CUL4A: variants seen among roughly 807,000 people sequenced by gnomAD.
CUL4A encodes cullin 4A, also known as cullin-4A.
In CUL4A, 16 loss-of-function variants were observed where a neutral mutation model predicts 95.5. That is an observed-to-expected ratio of 0.17 (90% CI 0.11 to 0.25). CUL4A has a LOEUF of 0.25. CUL4A is among the 10% of genes least tolerant of loss of function. CUL4A has a pLI of 1.00. For missense variants in CUL4A, 610 were observed against 937.0 expected (o/e 0.65, Z 4.56); for synonymous variants, 380 against 353.1 (o/e 1.08, Z -0.85).
intron 8 of CUL4A, among the ~76,000 whole-genome samples, chr13:113,236,217 T>G (rs1183933365): frequency 6.6e-6 from 1 of 151,764 alleles, no homozygotes; most frequent in African/African-American, 2.4e-5. Context: ...ACGTGTGGAG[T>G]TGGAGGAGCC....
At chr13:113,253,986 C>A (rs1378578793) in intron 16 of CUL4A, among the ~76,000 whole-genome samples, 2 of 152,124 alleles carry the variant, frequency 1.3e-5, no homozygotes, top group Non-Finnish European at 2.9e-5. Flanking sequence ...ATATTCTCTT[C>A]CTTAAGGTAT....
intron 10 of CUL4A, among the ~76,000 whole-genome samples, 165 bp from the exon 11 acceptor site, chr13:113,242,803 C>T (rs2041756155): frequency 6.6e-6 from 1 of 152,180 alleles, no homozygotes; most frequent in Admixed American, 6.5e-5. Flanking sequence ...AGTGTATTCA[C>T]TTAATTTTTG....
At position 113,218,968 on chromosome 13, in the gene CUL4A, C is replaced by G. The variant is rs1163147306; in HGVS notation, c.288C>G (p.His96Gln). The G allele has an allele frequency of 6.2e-7, 1 of 1,613,184 alleles. No homozygotes were observed. Among genetic ancestry groups the G allele is most frequent in the African/African-American group, 1.3e-5 (1 of 74,880 alleles). Residue 96 changes from histidine to glutamine, a missense_variant, in exon 3 of 20, where the codon CAC becomes CAG. Around this residue, in one of 10 missense-constraint regions of CUL4A, gnomAD observed 168 missense variants for 185.5 expected, o/e 0.91. Coordinates refer to ENST00000375440, the MANE Select transcript of CUL4A (RefSeq NM_001008895.4). ...LYQAVENLCS[H>Q]KVSPMLYKQL... ...AGGCTGTGGAAAATCTCTGTTCTCA[C>G]AAAGTCTCCCCAATGCTCTACAAGC...
chr13:113,215,068 C>G (rs549679191), intron 2 of CUL4A, among the ~76,000 whole-genome samples: 164 of 150,350 alleles, frequency 1.1e-3, no homozygotes, highest in African/African-American at 4.0e-3. Context: ...GTGGAGGTTG[C>G]TGTGTGACTG....
chr13:113,218,197 C>G (rs2040764385), intron 2 of CUL4A, among the ~76,000 whole-genome samples: 1 of 151,920 alleles, frequency 6.6e-6, no homozygotes, highest in Non-Finnish European at 1.5e-5. Flanking sequence ...AAGATCCTGC[C>G]TTTGCACTCC....
chr13:113,242,054 C>T (rs987229679), intron 10 of CUL4A, among the ~76,000 whole-genome samples: 5 of 151,788 alleles, frequency 3.3e-5, no homozygotes, highest in African/African-American at 9.7e-5. Context: ...CAGTGGCTCA[C>T]GCTTGTAATC....
intron 19 of CUL4A, among the ~76,000 whole-genome samples, chr13:113,262,443 G>A (rs2042306092): frequency 6.6e-6 from 1 of 152,168 alleles, no homozygotes; most frequent in African/African-American, 2.4e-5. Flanking sequence ...TTGAGCCCAG[G>A]AATTTGAGAC....
chr13:113,213,261 G>T (rs529384660), intron 2 of CUL4A, among the ~76,000 whole-genome samples: 1 of 152,086 alleles, frequency 6.6e-6, no homozygotes. Flanking sequence ...GGTGTTGCAT[G>T]CCTGTAGTCC....
intron 19 of CUL4A, chr13:113,262,829 C>CATAA (rs2042319369): frequency 6.7e-6 from 1 of 149,570 alleles, no homozygotes; most frequent in Non-Finnish European, 1.5e-5. Context: ...CTCGCTTATA[C>CATAA]GTGCCCTTGC....
rs568709722 is a variant in CUL4A, at chr13:113,260,237, C to T, written c.2032-370C>T. Among the ~76,000 whole-genome samples, 233 of 72,618 alleles carry T rather than the reference C, an allele frequency of 3.2e-3. 3 individuals carry two copies. Among genetic ancestry groups the T allele is most frequent in the African/African-American group, 0.012 (213 of 18,192 alleles). The allele number at this position is 72,618 out of a possible 152,430, so 47.6% of individuals were successfully genotyped here. ...AAAAAAAACCATTTCCCATCAAATT[C>T]GGTAACATCAGGTCATTAATATTGA... is the stretch of plus-strand genomic sequence containing the variant. On this transcript the variant is annotated intron_variant, in intron 18 of 19. Transcript: ENST00000375440.
At chr13:113,248,055 G>A (rs2041901471) in intron 15 of CUL4A, among the ~76,000 whole-genome samples, 1 of 152,144 alleles carries the variant, frequency 6.6e-6, no homozygotes, top group African/African-American at 2.4e-5. Context: ...CAGTGTCTTG[G>A]TGACATTCGA....
At chr13:113,256,059 G>A (rs1282585993) in intron 18 of CUL4A, among the ~76,000 whole-genome samples, 2 of 152,066 alleles carry the variant, frequency 1.3e-5, no homozygotes, top group Admixed American at 1.3e-4. Flanking sequence ...ACTAAGCCAG[G>A]CACAGTGACA....
intron 15 of CUL4A, among the ~76,000 whole-genome samples, chr13:113,252,386 C>A (rs1009732434): frequency 3.3e-5 from 5 of 152,014 alleles, no homozygotes; most frequent in African/African-American, 1.2e-4. Context: ...ACAACAACAA[C>A]AAAAATCAAC....
At chr13:113,251,306 G>A (rs969101699) in intron 15 of CUL4A, among the ~76,000 whole-genome samples, 2 of 152,236 alleles carry the variant, frequency 1.3e-5, no homozygotes, top group African/African-American at 2.4e-5. Flanking sequence ...GAGGGGATGA[G>A]AATGTATGAA....
chr13:113,224,033 C>G (rs921540063), intron 3 of CUL4A, among the ~76,000 whole-genome samples: 2 of 152,172 alleles, frequency 1.3e-5, no homozygotes, highest in African/African-American at 4.8e-5. Context: ...CCCAGCCAAG[C>G]TACGTGGGCA....
chr13:113,208,386 G>T, upstream of CUL4A: 4 of 1,439,312 alleles, frequency 2.8e-6, no homozygotes, highest in South Asian at 4.4e-5. Flanking sequence ...ACACCGCCCG[G>T]CCCCCACGGC....
In CUL4A at chr13:113,263,531, C is replaced by G; in HGVS notation, c.2229C>G (p.Asp743Glu). 4 of 1,609,398 alleles carry G rather than the reference C, an allele frequency of 2.5e-6. No homozygotes were observed. The South Asian group carries it at 4.4e-5, about 18-fold the overall frequency. The stretch of plus-strand genomic sequence containing the variant: ...GAATTGAATCTCTGATAGACAGAGA[C>G]TATATGGAGAGAGACAAAGACAATC... ...KKRIESLIDR[D>E]YMERDKDNPN... is the part of the protein sequence containing the mutation. Residue 743 changes from aspartate to glutamate, a missense_variant, in exon 20 of 20, where the codon GAC becomes GAG. This residue lies in a region of CUL4A where 31 missense variants were observed against 40.3 expected (regional missense o/e 0.77). Transcript: ENST00000375440.
At chr13:113,254,104 A>C (rs1477109050) in intron 16 of CUL4A, among the ~76,000 whole-genome samples, 3 of 152,070 alleles carry the variant, frequency 2.0e-5, no homozygotes, top group African/African-American at 7.2e-5. Context: ...AGCTCTCTCC[A>C]GGTGTGCAGG....
chr13:113,210,606 C>T (rs1433429529), intron 2 of CUL4A, among the ~76,000 whole-genome samples: 1 of 152,202 alleles, frequency 6.6e-6, no homozygotes, highest in African/African-American at 2.4e-5. Flanking sequence ...GCATTTAATT[C>T]AAAGTGATGG....
Sources: allele counts gnomAD v4.1 joint callset (sites outside exome capture counted in the v4.1 genomes callset), GRCh38; gene constraint gnomAD v4.1.1; regional missense constraint gnomAD v4.1.1; transcripts MANE v1.5; gene names NCBI Gene and HGNC (gene_info 2026-07-23, HGNC 2026-07-21).